Variants in ARHGEF10 observed in about 807,000 individuals in gnomAD.
ARHGEF10 encodes Rho guanine nucleotide exchange factor 10, also known as Rho guanine nucleotide exchange factor (GEF) 10.
A neutral mutation model predicts 147.4 loss-of-function variants in ARHGEF10; 140 were observed. That is an observed-to-expected ratio of 0.95 (90% confidence interval 0.83 to 1.09). The LOEUF is 1.09. Among genes scored for constraint, ARHGEF10 ranks in the 50% least tolerant of loss-of-function variants. The probability of loss-of-function intolerance (pLI) is 0.00; values close to 1 mark genes in which losing one functional copy is unlikely to be tolerated. For synonymous variants in ARHGEF10, 902 were observed against 695.8 expected (o/e 1.30, Z -4.67); for missense variants, 2,222 against 1,752.7 (o/e 1.27, Z -4.78).
At position 1,888,506 on chromosome 8, in the gene ARHGEF10, GAT is replaced by G. The variant is rs1334967825; in HGVS notation, c.1182+2801_1182+2802del. Reference sequence around the variant, plus strand: ...CTGAGTGGGGTAAGAAGTCTGTGGAGATACTGAGTGGGGTGAGGGGTCTGTGA... The same window carrying G: ...CTGAGTGGGGTAAGAAGTCTGTGGAGACTGAGTGGGGTGAGGGGTCTGTGA... On this transcript the variant is annotated intron_variant, in intron 11 of 28. Coordinates refer to ENST00000349830, the MANE Select transcript of ARHGEF10 (RefSeq NM_014629.4). 3.9e-4 allele frequency among the ~76,000 whole-genome samples: 53 copies of G among 135,532 alleles called. 1 individual carries two copies. The highest frequency in any genetic ancestry group is 1.5e-3 in the African/African-American group (48 of 32,694). The allele number at this position is 135,532 out of a possible 152,430, so 88.9% of individuals were successfully genotyped here.
In ARHGEF10 at chr8:1,940,084, T is replaced by A. The variant is rs3758024; in HGVS notation, c.3223-5397T>A. Among the ~76,000 whole-genome samples, 45 of 152,288 alleles carry A rather than the reference T, an allele frequency of 3.0e-4. No homozygotes were observed. The East Asian group carries it at 8.3e-3, about 28-fold the overall frequency. On this transcript the variant is annotated intron_variant, in intron 26 of 28. Transcript: ENST00000349830. ...GCGCTGGGTTAAAAACTCCATGGGTTTGGTTTTTTTAAATCATCTTTCCAG... is the reference window on the plus strand; with the variant it reads ...GCGCTGGGTTAAAAACTCCATGGGTATGGTTTTTTTAAATCATCTTTCCAG...
intron 10 of ARHGEF10, among the ~76,000 whole-genome samples, chr8:1,884,749 A>T (rs1203025594): frequency 1.3e-5 from 2 of 152,264 alleles, no homozygotes; most frequent in East Asian, 1.9e-4. Context: ...GCTGTGTTTT[A>T]AAAAAATGAA....
Position 1,923,471 on chromosome 8 carries a change from T to C in ARHGEF10, c.2263T>C (p.Leu755=). Residue 755 remains leucine (L), a synonymous_variant, in exon 20 of 29, where the codon TTA becomes CTA. Transcript: ENST00000349830. ...IGNLKGNYQN[L]NQSVAHDWTS... is the part of the protein sequence containing the mutation. ...TGCGTATTTATTTCCTTTGTAGAAC[T>C]TAAACCAGTCAGTAGCCCATGACTG... The C allele has an allele frequency of 6.2e-7, 1 of 1,614,176 alleles. No homozygotes were observed. The highest frequency in any genetic ancestry group is 8.5e-7 in the Non-Finnish European group (1 of 1,180,030).
intron 27 of ARHGEF10, among the ~76,000 whole-genome samples, chr8:1,949,350 A>G (rs1283678934): frequency 6.6e-6 from 1 of 152,246 alleles, no homozygotes; most frequent in African/African-American, 2.4e-5. Flanking sequence ...CATCAGATTC[A>G]ACACAGACTA....
intron 26 of ARHGEF10, among the ~76,000 whole-genome samples, chr8:1,935,784 A>G (rs1813544545): frequency 6.6e-6 from 1 of 152,218 alleles, no homozygotes; most frequent in African/African-American, 2.4e-5. Flanking sequence ...GAGCTGGGGA[A>G]ATGAGGGCAT....
At chr8:1,876,315 G>GT in intron 7 of ARHGEF10, 23 of 549,556 alleles carry the variant, frequency 4.2e-5, no homozygotes, top group Admixed American at 1.2e-4. Context: ...GTGGTCCTCG[G>GT]GGTACAGATG....
intron 2 of ARHGEF10, among the ~76,000 whole-genome samples, chr8:1,847,918 CTTG>C (rs1027754913): frequency 1.3e-5 from 2 of 152,150 alleles, no homozygotes; most frequent in African/African-American, 4.8e-5. Flanking sequence ...TTACTTTAAT[CTTG>C]TTCTCAGTGT....
chr8:1,935,178 A>G (rs995302292), intron 26 of ARHGEF10, among the ~76,000 whole-genome samples: 2 of 152,050 alleles, frequency 1.3e-5, no homozygotes, highest in Non-Finnish European at 2.9e-5. Context: ...AAAGTGCGGA[A>G]TTTTCCATGT....
intron 3 of ARHGEF10, 119 bp from the exon 4 acceptor site, chr8:1,859,778 G>A (rs1805939352): frequency 7.9e-7 from 1 of 1,265,992 alleles, no homozygotes; most frequent in African/African-American, 1.5e-5. Flanking sequence ...GAACGTCTAG[G>A]GGTCCTGGCA....
At position 1,876,669 on chromosome 8, in the gene ARHGEF10, C is replaced by T. The variant is rs777880585; in HGVS notation, c.778C>T (p.Gln260Ter). 16 of 1,614,202 alleles carry T rather than the reference C, an allele frequency of 9.9e-6. No homozygotes were observed. The highest frequency in any genetic ancestry group is 1.4e-5 in the Non-Finnish European group (16 of 1,180,042). ...GAGTGAATTTGAAAGTTACGAAGAG[C>T]AGAGTGACTCGGAGTGCAAGAATGG... is the stretch of plus-strand genomic sequence containing the variant. The part of the protein sequence containing the change: ...SSSEFESYEE[Q>*]SDSECKNGIP... The change falls in exon 8 of 29, where the codon CAG becomes TAG. Residue 260 changes from glutamine to a stop codon, truncating the protein, a stop_gained. Coordinates refer to ENST00000349830, the MANE Select transcript of ARHGEF10 (RefSeq NM_014629.4). LOFTEE classifies it high-confidence loss of function.
chr8:1,947,566 A>G (rs1378373189), intron 27 of ARHGEF10, among the ~76,000 whole-genome samples: 3 of 152,120 alleles, frequency 2.0e-5, no homozygotes, highest in Admixed American at 6.5e-5. Flanking sequence ...CGCCCAGGCT[A>G]TGAAAAGCAA....
At chr8:1,900,086 C>A (rs1364252391) in intron 15 of ARHGEF10, among the ~76,000 whole-genome samples, 1 of 152,192 alleles carries the variant, frequency 6.6e-6, no homozygotes, top group Admixed American at 6.5e-5. Context: ...AGAATACTTT[C>A]TAAATTTTTT....
rs1476461613 is a variant in ARHGEF10, at chr8:1,896,586, A to T, written c.1557+137A>T. 5.5e-6 allele frequency: 4 copies of T among 732,656 alleles called. No individual in the cohort carries two copies. The South Asian group carries it at 6.1e-5, about 11-fold the overall frequency. 45.4% of individuals were successfully genotyped at this position (732,656 alleles called of 1,614,324 possible). On this transcript the variant is annotated intron_variant, in intron 14 of 28. Coordinates refer to ENST00000349830, the MANE Select transcript of ARHGEF10 (RefSeq NM_014629.4). ...GCCCTAGATATTGGATTAATGCTAGAAATGAAGATGAATTTTAGGTCCTAA... is the reference window on the plus strand; with the variant it reads ...GCCCTAGATATTGGATTAATGCTAGTAATGAAGATGAATTTTAGGTCCTAA...
At chr8:1,933,249 GCAA>G (rs1813295556) in intron 25 of ARHGEF10, among the ~76,000 whole-genome samples, 2 of 152,250 alleles carry the variant, frequency 1.3e-5, no homozygotes, top group East Asian at 3.9e-4. Flanking sequence ...GCAGTATAGA[GCAA>G]GGCACATGTT....
At chr8:1,828,241 T>C (rs968363079) in intron 1 of ARHGEF10, among the ~76,000 whole-genome samples, 21 of 152,374 alleles carry the variant, frequency 1.4e-4, no homozygotes, top group Admixed American at 4.6e-4. Context: ...CCGTGGCTTG[T>C]TGTCCAGCTG....
chr8:1,953,817 G>A (rs1276124825), intron 28 of ARHGEF10, among the ~76,000 whole-genome samples: 8 of 152,082 alleles, frequency 5.3e-5, no homozygotes, highest in Admixed American at 4.6e-4. Context: ...TAGATTCTAT[G>A]TGGGTTACTA....
intron 1 of ARHGEF10, among the ~76,000 whole-genome samples, chr8:1,837,504 G>T (rs964594533): frequency 6.6e-6 from 1 of 152,230 alleles, no homozygotes; most frequent in Non-Finnish European, 1.5e-5. Context: ...GCATGAATGA[G>T]ATTTACACAG....
At chr8:1,833,847 C>T (rs112882146) in intron 1 of ARHGEF10, among the ~76,000 whole-genome samples, 2 of 152,266 alleles carry the variant, frequency 1.3e-5, no homozygotes, top group African/African-American at 4.8e-5. Context: ...TTAGCTGGCA[C>T]TGTGCACCTC....
At chr8:1,851,037 G>A (rs888016639) in intron 2 of ARHGEF10, among the ~76,000 whole-genome samples, 3 of 152,212 alleles carry the variant, frequency 2.0e-5, no homozygotes, top group Non-Finnish European at 2.9e-5. Flanking sequence ...GGGTTTGCGG[G>A]GGGGAGGGGT....
Sources: allele counts gnomAD v4.1 joint callset (sites outside exome capture counted in the v4.1 genomes callset), GRCh38; gene constraint gnomAD v4.1.1; transcripts MANE v1.5; gene names NCBI Gene and HGNC (gene_info 2026-07-23, HGNC 2026-07-21).